Variants in ZNF503 observed in about 807,000 individuals in gnomAD.
ZNF503 encodes zinc finger protein 503, also known as NocA-like zinc finger 2.
In ZNF503, 15 loss-of-function variants were observed where a neutral mutation model predicts 34.4. The ratio of observed to expected loss-of-function variants is 0.44; its 90% CI spans 0.29 to 0.67. The LOEUF (loss-of-function observed/expected upper bound fraction) is 0.67. ZNF503 is among the 30% of genes least tolerant of loss of function. ZNF503 has a pLI of 0.13. For missense variants in ZNF503, 1,007 were observed against 926.8 expected (o/e 1.09, Z -1.12); for synonymous variants, 580 against 456.8 (o/e 1.27, Z -3.44).
the ZNF503 span, among the ~76,000 whole-genome samples, chr10:75,320,238 T>C: frequency 6.6e-6 from 1 of 151,816 alleles, no homozygotes; most frequent in South Asian, 2.1e-4. Flanking sequence ...TCCCAGCACT[T>C]TGGGAGGCTG....
chr10:75,285,128 G>C, the ZNF503 span, among the ~76,000 whole-genome samples: 1 of 152,178 alleles, frequency 6.6e-6, no homozygotes, highest in African/African-American at 2.4e-5. Flanking sequence ...TTTATTATTT[G>C]TTATTATTAG....
the ZNF503 span, among the ~76,000 whole-genome samples, chr10:75,378,175 G>T: frequency 6.6e-6 from 1 of 151,942 alleles, no homozygotes; most frequent in Non-Finnish European, 1.5e-5. Context: ...CCAGCACTGG[G>T]GATTACATTT....
chr10:75,388,573 A>G, the ZNF503 span, among the ~76,000 whole-genome samples: 4 of 152,210 alleles, frequency 2.6e-5, no homozygotes, highest in African/African-American at 9.6e-5. Context: ...CATACACTAT[A>G]ACAAATCCCA....
At chr10:75,339,338 T>C in the ZNF503 span, among the ~76,000 whole-genome samples, 1 of 152,232 alleles carries the variant, frequency 6.6e-6, no homozygotes, top group East Asian at 1.9e-4. Flanking sequence ...GGACTTCAGG[T>C]GGCCGTCAGA....
the ZNF503 span, among the ~76,000 whole-genome samples, chr10:75,372,799 G>C: frequency 6.6e-6 from 1 of 152,200 alleles, no homozygotes; most frequent in Non-Finnish European, 1.5e-5. Flanking sequence ...TTCCCAACTG[G>C]AGCCCTCTTT....
the ZNF503 span, among the ~76,000 whole-genome samples, chr10:75,312,173 C>G: frequency 6.6e-6 from 1 of 152,308 alleles, no homozygotes; most frequent in Non-Finnish European, 1.5e-5. Flanking sequence ...CGCCACTGTA[C>G]TCTAGCCTGG....
At chr10:75,299,465 T>C in the ZNF503 span, among the ~76,000 whole-genome samples, 1 of 152,178 alleles carries the variant, frequency 6.6e-6, no homozygotes, top group Non-Finnish European at 1.5e-5. Context: ...TTTCATGAGT[T>C]TTTGTTTTAC....
At chr10:75,365,298 C>T in the ZNF503 span, among the ~76,000 whole-genome samples, 1 of 152,144 alleles carries the variant, frequency 6.6e-6, no homozygotes, top group Non-Finnish European at 1.5e-5. Context: ...CAGGTGTGTG[C>T]CACCACACCC....
chr10:75,305,829 G>A, the ZNF503 span, among the ~76,000 whole-genome samples: 1 of 152,126 alleles, frequency 6.6e-6, no homozygotes, highest in Non-Finnish European at 1.5e-5. Context: ...CATATTCAAA[G>A]TTCATCCATG....
chr10:75,382,276 C>T, the ZNF503 span: 1 of 237,112 alleles, frequency 4.2e-6, no homozygotes, highest in South Asian at 6.8e-5. Context: ...ACAACAGCAA[C>T]AAATGTTATT....
At position 75,399,740 on chromosome 10, in the gene ZNF503, G is replaced by C. The variant is rs1843757384; in HGVS notation, c.950C>G (p.Ser317Cys). 2.5e-6 allele frequency: 4 copies of C among 1,594,484 alleles called. No homozygotes were observed. The highest frequency in any genetic ancestry group is 1.1e-5 in the South Asian group (1 of 89,856). ...LGSDCGGSSGSSSGSGPSAPT... is the reference protein window; with the variant it reads ...LGSDCGGSSGCSSGSGPSAPT... The stretch of plus-strand genomic sequence containing the variant: ...CGCGCTGGGGCCGGAGCCGGAGCTG[G>C]AGCCCGATGAACCGCCGCAGTCCGA... Residue 317 changes from serine (S) to cysteine (C), a missense_variant, in exon 2 of 2, where the codon TCC (serine) becomes TGC (cysteine). Ser to Cys is a moderately radical substitution (Grantham distance 112). Transcript: ENST00000372524.
At chr10:75,330,443 A>G in the ZNF503 span, among the ~76,000 whole-genome samples, 6 of 152,244 alleles carry the variant, frequency 3.9e-5, no homozygotes, top group East Asian at 1.2e-3. Context: ...TCTTCTTTAC[A>G]GGTTTGGTAG....
chr10:75,334,548 G>A, the ZNF503 span, among the ~76,000 whole-genome samples: 9 of 152,178 alleles, frequency 5.9e-5, no homozygotes, highest in Non-Finnish European at 1.3e-4. Context: ...CTCCAGAGAG[G>A]ATTTTCTTTT....
At chr10:75,386,935 G>T in the ZNF503 span, among the ~76,000 whole-genome samples, 1 of 152,218 alleles carries the variant, frequency 6.6e-6, no homozygotes, top group Non-Finnish European at 1.5e-5. Context: ...GGCAACAGTT[G>T]TCTCCATGAC....
chr10:75,369,963 A>G, the ZNF503 span, among the ~76,000 whole-genome samples: 1 of 152,076 alleles, frequency 6.6e-6, no homozygotes, highest in African/African-American at 2.4e-5. Context: ...GCTACTCGGG[A>G]GGCTGAGACA....
the ZNF503 span, among the ~76,000 whole-genome samples, chr10:75,303,011 C>T: frequency 2.6e-5 from 4 of 152,304 alleles, no homozygotes; most frequent in South Asian, 4.1e-4. Context: ...TGTTCAGCTT[C>T]GTCCTTGCTT....
chr10:75,317,182 T>A, the ZNF503 span, among the ~76,000 whole-genome samples: 2 of 150,914 alleles, frequency 1.3e-5, no homozygotes, highest in Non-Finnish European at 2.9e-5. Context: ...GCTCAAATGA[T>A]CCATCTGCCT....
chr10:75,378,988 C>T, the ZNF503 span, among the ~76,000 whole-genome samples: 6 of 152,204 alleles, frequency 3.9e-5, no homozygotes, highest in South Asian at 4.1e-4. Context: ...CCTCTCCACA[C>T]CCCCCAAACC....
chr10:75,289,998 C>T, the ZNF503 span, among the ~76,000 whole-genome samples: 1 of 152,188 alleles, frequency 6.6e-6, no homozygotes, highest in South Asian at 2.1e-4. Flanking sequence ...ACAATAATTC[C>T]CCATTCTCTC....
Sources: gnomAD v4.1 joint callset for allele counts (sites outside exome capture counted in the v4.1 genomes callset) on GRCh38, gnomAD v4.1.1 for gene constraint, MANE v1.5 for transcripts, NCBI Gene and HGNC (gene_info 2026-07-23, HGNC 2026-07-21) for gene names.